Variants in AHCTF1 observed in about 807,000 individuals in gnomAD.
AHCTF1 encodes AT-hook containing transcription factor 1, also known as protein ELYS.
In AHCTF1, 24 loss-of-function variants were observed where a neutral mutation model predicts 248.4. That is an observed-to-expected ratio of 0.10 (90% confidence interval 0.07 to 0.14). AHCTF1 has a LOEUF of 0.14. Ranked by LOEUF, AHCTF1 falls within the 10% of genes least tolerant of loss-of-function variation. The pLI is 1.00. For missense variants in AHCTF1, 2,206 were observed against 2,636.2 expected, an observed-to-expected ratio of 0.84 and a Z score of 3.57; for synonymous variants, 786 against 929.8, an observed-to-expected ratio of 0.85 and a Z score of 2.81.
chr1:246,904,059 G>A lies in AHCTF1; in HGVS notation c.882-26C>T, dbSNP rs185069810. On this transcript the variant is annotated intron_variant, in intron 6 of 35. Transcript: ENST00000648844. Reference sequence around the variant, plus strand: ...CTGAAACAGAAATTAACGAAGACACGCTAAATATATTAATACATTAAACAT... The same window carrying A: ...CTGAAACAGAAATTAACGAAGACACACTAAATATATTAATACATTAAACAT... 25 of 1,577,126 alleles carry A rather than the reference G, an allele frequency of 1.6e-5. No individual in the cohort carries two copies. The East Asian group carries it at 4.0e-4, about 25-fold the overall frequency.
intron 12 of AHCTF1, among the ~76,000 whole-genome samples, chr1:246,896,281 C>A (rs879803361): frequency 7.9e-5 from 12 of 152,016 alleles, no homozygotes; most frequent in Admixed American, 3.3e-4. Context: ...GTTCACAGCA[C>A]CATTATTAAT....
At chr1:246,927,560 C>T (rs1222077650) in intron 1 of AHCTF1, among the ~76,000 whole-genome samples, 1 of 152,224 alleles carries the variant, frequency 6.6e-6, no homozygotes, top group African/African-American at 2.4e-5. Context: ...ACATGAAACA[C>T]CTACGTTCAG....
intron 17 of AHCTF1, 101 bp from the exon 18 acceptor site, chr1:246,888,618 G>C: frequency 7.2e-7 from 1 of 1,386,078 alleles, no homozygotes; most frequent in Non-Finnish European, 9.8e-7. Context: ...AACTATCAAA[G>C]AGAGAAGAGG....
intron 12 of AHCTF1, among the ~76,000 whole-genome samples, chr1:246,896,500 G>C (rs959412219): frequency 6.6e-6 from 1 of 152,140 alleles, no homozygotes; most frequent in East Asian, 1.9e-4. Context: ...TCTAGAATAG[G>C]TCAATCTATA....
At chr1:246,910,511 GAATGAACTA>G (rs1665725766) in intron 4 of AHCTF1, among the ~76,000 whole-genome samples, 1 of 152,172 alleles carries the variant, frequency 6.6e-6, no homozygotes, top group Non-Finnish European at 1.5e-5. Context: ...GAGGAAAGGG[GAATGAACTA>G]AACAGACACA....
intron 32 of AHCTF1, 84 bp from the exon 33 acceptor site, chr1:246,851,526 G>A (rs1055538130): frequency 8.1e-7 from 1 of 1,232,572 alleles, no homozygotes; most frequent in African/African-American, 1.5e-5. Context: ...GATGACCCTT[G>A]GCTGTGTGCC....
chr1:246,930,890 T>C (rs1329386156), intron 1 of AHCTF1, among the ~76,000 whole-genome samples: 1 of 152,192 alleles, frequency 6.6e-6, no homozygotes. Context: ...TGCACACAGA[T>C]AGTATGAACC....
At chr1:246,890,084 A>T in intron 16 of AHCTF1, 25 bp from the exon 17 acceptor site, 1 of 1,529,552 alleles carries the variant, frequency 6.5e-7, no homozygotes. Context: ...GTTGGAAAAA[A>T]AGCTGGTAAT....
chr1:246,876,971 T>A lies in AHCTF1; in HGVS notation c.2916A>T (p.Gln972His). The change falls in exon 23 of 36, where the codon CAA becomes CAT. Residue 972 changes from glutamine (Q) to histidine (H), a missense_variant. Around this residue, in one of 6 missense-constraint regions of AHCTF1, gnomAD observed 955 missense variants for 1,055.6 expected, o/e 0.90. Coordinates refer to ENST00000648844, the MANE Select transcript of AHCTF1 (RefSeq NM_001323342.2). ...GTACCATAACATTAATCTTCAGAGT[T>A]TGGTTCAGCTTCAAGGCAGGCACAT... is the stretch of plus-strand genomic sequence containing the variant. ...ANYVPALKLN[Q>H]TLKINVMNDR... The A allele has an allele frequency of 5.0e-6, 8 of 1,611,980 alleles. No homozygotes were observed. Among genetic ancestry groups the A allele is most frequent in the Non-Finnish European group, 6.8e-6 (8 of 1,179,860 alleles).
intron 21 of AHCTF1, among the ~76,000 whole-genome samples, chr1:246,877,757 A>G (rs1442571371): frequency 6.6e-6 from 1 of 152,150 alleles, no homozygotes; most frequent in East Asian, 1.9e-4. Flanking sequence ...GTTGATTTGC[A>G]GCAAGATCAG....
At position 246,850,271 on chromosome 1, in the gene AHCTF1, T is replaced by C; in HGVS notation, c.5735A>G (p.Asp1912Gly). Residue 1912 changes from aspartate to glycine, a missense_variant, in exon 33 of 36, where the codon GAT becomes GGT. By Grantham distance (94) the Asp-to-Gly change is moderately conservative. Around this residue, in one of 6 missense-constraint regions of AHCTF1, gnomAD observed 469 missense variants for 470.0 expected, o/e 1.00. Transcript: ENST00000648844. The stretch of plus-strand genomic sequence containing the variant: ...CTTATTTCCTGTATTTTCAGAAGCA[T>C]CTAAATTAGTACTTCTCAATTTTCT... ...MIRKLRSTNL[D>G]ASENTGNKQD... The C allele has an allele frequency of 6.2e-7, 1 of 1,613,982 alleles. No individual in the cohort carries two copies. The highest frequency in any genetic ancestry group is 8.5e-7 in the Non-Finnish European group (1 of 1,179,866).
At chr1:246,922,716 C>T (rs998725228) in intron 1 of AHCTF1, among the ~76,000 whole-genome samples, 4 of 151,154 alleles carry the variant, frequency 2.6e-5, no homozygotes, top group African/African-American at 4.8e-5. Flanking sequence ...GGCGCAGTGG[C>T]TCACGCCTGT....
At chr1:246,927,209 A>G (rs1301491685) in intron 1 of AHCTF1, among the ~76,000 whole-genome samples, 1 of 150,162 alleles carries the variant, frequency 6.7e-6, no homozygotes, top group Non-Finnish European at 1.5e-5. Context: ...TAGGCCAGGC[A>G]CTGTGGCTCA....
intron 8 of AHCTF1, 80 bp downstream of exon 8, chr1:246,902,445 G>C: frequency 6.6e-7 from 1 of 1,509,312 alleles, no homozygotes. Flanking sequence ...ACTGCCAGGA[G>C]TATGAAATCT....
Position 246,861,170 on chromosome 1 carries a change from C to A in AHCTF1, c.3861G>T (p.Glu1287Asp). Residue 1287 changes from glutamate (E) to aspartate (D), a missense_variant, in exon 29 of 36, where the codon GAG becomes GAT. By Grantham distance (45) the Glu-to-Asp change is conservative (BLOSUM62 2). Transcript: ENST00000648844. ...TSFFLNSPEKEHQEMDEGSQS... is the reference protein window; with the variant it reads ...TSFFLNSPEKDHQEMDEGSQS... ...GTGACCCCTCATCCATTTCTTGATG[C>A]TCCTTTTCAGGGCTGTTCAGGAAAA... 4 of 1,613,792 alleles carry A rather than the reference C, an allele frequency of 2.5e-6. No individual in the cohort carries two copies. The highest frequency in any genetic ancestry group is 3.4e-6 in the Non-Finnish European group (4 of 1,180,040).
chr1:246,918,148 C>G, intron 2 of AHCTF1, 102 bp downstream of exon 2: 1 of 1,093,442 alleles, frequency 9.1e-7, no homozygotes, highest in Non-Finnish European at 1.2e-6. Context: ...CACTCAGGTT[C>G]TGCTTTTTCT....
At chr1:246,858,961 C>T (rs922581841) in intron 29 of AHCTF1, among the ~76,000 whole-genome samples, 6 of 151,766 alleles carry the variant, frequency 4.0e-5, no homozygotes, top group African/African-American at 7.3e-5. Flanking sequence ...GGACCGGTGG[C>T]GCATGCCTGT....
At chr1:246,927,857 G>C (rs1047601110) in intron 1 of AHCTF1, among the ~76,000 whole-genome samples, 3 of 142,760 alleles carry the variant, frequency 2.1e-5, no homozygotes, top group African/African-American at 5.2e-5. Context: ...ACAAAAATTA[G>C]CTGGGCGCGG....
intron 1 of AHCTF1, among the ~76,000 whole-genome samples, chr1:246,923,728 T>C (rs1178882212): frequency 7.1e-6 from 1 of 141,508 alleles, no homozygotes; most frequent in Non-Finnish European, 1.6e-5. Context: ...AAATGAAATG[T>C]GTGCGTGCAT....
Sources: allele counts gnomAD v4.1 joint callset (sites outside exome capture counted in the v4.1 genomes callset), GRCh38; gene constraint gnomAD v4.1.1; regional missense constraint gnomAD v4.1.1; transcripts MANE v1.5; gene names NCBI Gene and HGNC (gene_info 2026-07-23, HGNC 2026-07-21).